Variants in SPOCK2 observed in about 807,000 individuals in gnomAD.
SPOCK2 encodes testican-2.
In SPOCK2, 39 loss-of-function variants were observed where a neutral mutation model predicts 60.1. The observed-to-expected ratio is 0.65, with a 90% CI of 0.50 to 0.85. The LOEUF (loss-of-function observed/expected upper bound fraction) is 0.85. Among genes scored for constraint, SPOCK2 ranks in the 40% least tolerant of loss-of-function variants. The probability of loss-of-function intolerance (pLI) is 0.00; values close to 1 mark genes in which losing one functional copy is unlikely to be tolerated. For missense variants in SPOCK2, 523 were observed against 567.4 expected (o/e 0.92, Z 0.80); for synonymous variants, 217 against 231.5 (o/e 0.94, Z 0.57).
Position 72,062,717 on chromosome 10 carries a change from C to G in SPOCK2, c.*43G>C, listed in dbSNP as rs372203724. ...CGAAGTTGCCTGCTGCTGCTCAGAG[C>G]TCTGCTGTTGAGTCCCCCCCGGCAG... is the stretch of plus-strand genomic sequence containing the variant. On this transcript the variant is annotated 3_prime_UTR_variant, in exon 11 of 11. Coordinates refer to ENST00000373109, the MANE Select transcript of SPOCK2 (RefSeq NM_001244950.2). The surrounding 1 kb of genome is among the most constrained non-coding windows in gnomAD (Gnocchi z 4.3). 6.4e-6 allele frequency: 10 copies of G among 1,573,832 alleles called. No homozygotes were observed. The highest frequency in any genetic ancestry group is 1.9e-5 in the Admixed American group (1 of 51,938).
At chr10:72,088,099 C>T (rs747054239) in intron 1 of SPOCK2, 41 bp downstream of exon 1, 9 of 1,602,768 alleles carry the variant, frequency 5.6e-6, no homozygotes, top group African/African-American at 2.7e-5. Flanking sequence ...TCCCCGAACC[C>T]GCAACCCCGG....
intron 9 of SPOCK2, 141 bp downstream of exon 9, chr10:72,064,037 A>C (rs1298321325): frequency 1.0e-5 from 11 of 1,056,946 alleles, no homozygotes; most frequent in Non-Finnish European, 1.3e-5. Context: ...GAAGGGGGCA[A>C]CCCTCTTCTG....
chr10:72,071,687 C>T (rs1405542969), intron 4 of SPOCK2, among the ~76,000 whole-genome samples: 1 of 152,176 alleles, frequency 6.6e-6, no homozygotes, highest in African/African-American at 2.4e-5. Flanking sequence ...CCCTGCATCC[C>T]ACAGGGTTTG....
chr10:72,068,420 T>A, intron 5 of SPOCK2, 119 bp from the exon 6 acceptor site: 2 of 1,052,356 alleles, frequency 1.9e-6, no homozygotes, highest in Middle Eastern at 5.6e-4. Context: ...GGAGTGCCCA[T>A]GAACAGCCTG....
At chr10:72,064,721 T>A (rs1179205297) in intron 8 of SPOCK2, among the ~76,000 whole-genome samples, 4 of 152,184 alleles carry the variant, frequency 2.6e-5, no homozygotes, top group Non-Finnish European at 2.9e-5. Flanking sequence ...TATGTTTATT[T>A]TTTTATTTTT....
intron 2 of SPOCK2, 48 bp downstream of exon 2, chr10:72,072,854 G>C (rs1490072072): frequency 1.3e-6 from 2 of 1,552,010 alleles, no homozygotes; most frequent in Admixed American, 3.9e-5. Flanking sequence ...AGGGGAGGGG[G>C]TGTGCTCTGC....
At chr10:72,066,188 T>C (rs1384745251) in intron 8 of SPOCK2, among the ~76,000 whole-genome samples, 1 of 152,132 alleles carries the variant, frequency 6.6e-6, no homozygotes, top group Admixed American at 6.5e-5. Context: ...TAATCACTTA[T>C]TGGTGGCACA....
intron 1 of SPOCK2, chr10:72,086,367 A>T (rs185793099): frequency 2.4e-4 from 241 of 1,000,248 alleles, no homozygotes; most frequent in Non-Finnish European, 2.7e-4. Flanking sequence ...TGGCTATTGG[A>T]AGCAGGTGGA....
At position 72,087,999 on chromosome 10, in the gene SPOCK2, A is replaced by T; in HGVS notation, c.189+141T>A. Reference sequence around the variant, plus strand: ...GGGGCGCTGGGCTGTGACCCCCAGTACTGTTTACTTTCCGTGTAATTAGCC... The same window carrying T: ...GGGGCGCTGGGCTGTGACCCCCAGTTCTGTTTACTTTCCGTGTAATTAGCC... On this transcript the variant is annotated intron_variant, in intron 1 of 10. Transcript: ENST00000373109. The surrounding 1 kb of genome is among the most constrained non-coding windows in gnomAD (Gnocchi z 4.7). 9.3e-7 allele frequency: 1 copy of T among 1,080,352 alleles called. No individual in the cohort carries two copies. Among genetic ancestry groups the T allele is most frequent in the Non-Finnish European group, 1.3e-6 (1 of 749,338 alleles). 66.9% of individuals were successfully genotyped at this position (1,080,352 alleles called of 1,614,324 possible).
chr10:72,086,635 G>A, intron 1 of SPOCK2: 1 of 1,216,706 alleles, frequency 8.2e-7, no homozygotes, highest in African/African-American at 1.6e-5. Context: ...GCTTCGGGAA[G>A]GCCTCGCGGG....
rs112777957 is a variant in SPOCK2 at position 72,086,507 on chromosome 10, G to A, written c.189+1633C>T. ...GCCAGCGAGTCGGAGGGAGGCCTAGGCCAGTGACACATGGATTCCGGATGG... is the reference window on the plus strand; with the variant it reads ...GCCAGCGAGTCGGAGGGAGGCCTAGACCAGTGACACATGGATTCCGGATGG... On this transcript the variant is annotated intron_variant, in intron 1 of 10. Coordinates refer to ENST00000373109, the MANE Select transcript of SPOCK2 (RefSeq NM_001244950.2). The A allele has an allele frequency of 1.6e-3, 1,790 of 1,110,084 alleles. 22 individuals carry two copies. In the African/African-American group the frequency reaches 0.028, roughly 17 times the overall value. The allele number at this position is 1,110,084 out of a possible 1,614,324, so 68.8% of individuals were successfully genotyped here.
At chr10:72,074,410 C>A (rs917599369) in intron 1 of SPOCK2, among the ~76,000 whole-genome samples, 1 of 151,582 alleles carries the variant, frequency 6.6e-6, no homozygotes, top group Non-Finnish European at 1.5e-5. Flanking sequence ...TTATGCAGAC[C>A]CAGGTGCACC....
intron 1 of SPOCK2, among the ~76,000 whole-genome samples, chr10:72,078,254 A>G (rs762041424): frequency 4.6e-5 from 7 of 152,124 alleles, no homozygotes; most frequent in Non-Finnish European, 8.8e-5. Context: ...GGTGGCTCAC[A>G]CCTGTAATCC....
At chr10:72,084,133 A>G (rs1840824201) in intron 1 of SPOCK2, among the ~76,000 whole-genome samples, 1 of 152,158 alleles carries the variant, frequency 6.6e-6, no homozygotes, top group African/African-American at 2.4e-5. Flanking sequence ...GCAGTGAATG[A>G]GTGACAGTGA....
Position 72,067,578 on chromosome 10 carries a change from C to T in SPOCK2, c.709+35G>A, listed in dbSNP as rs770925681. 11 of 1,609,220 alleles carry T rather than the reference C, an allele frequency of 6.8e-6. No homozygotes were observed. In the Admixed American group the frequency reaches 1.3e-4, roughly 20 times the overall value. On this transcript the variant is annotated intron_variant, in intron 7 of 10. Coordinates refer to ENST00000373109, the MANE Select transcript of SPOCK2 (RefSeq NM_001244950.2). Reference sequence around the variant, plus strand: ...GTGTCCTCAGCCCCTTCCCTATTTCCCTCCCTCCTCCAGGCAGAGCAGCAA... The same window carrying T: ...GTGTCCTCAGCCCCTTCCCTATTTCTCTCCCTCCTCCAGGCAGAGCAGCAA...
chr10:72,062,881 T>A lies in SPOCK2; in HGVS notation c.1154A>T (p.Asp385Val), dbSNP rs757042885. 5 of 1,598,600 alleles carry A rather than the reference T, an allele frequency of 3.1e-6. No individual in the cohort carries two copies. Among genetic ancestry groups the A allele is most frequent in the Non-Finnish European group, 4.3e-6 (5 of 1,174,810 alleles). Reference sequence around the variant, plus strand: ...CTCCCAGCCGACACCGCTTCCAAAGTCCCCCGAGAAGCCCACGATGTCATC... The same window carrying A: ...CTCCCAGCCGACACCGCTTCCAAAGACCCCCGAGAAGCCCACGATGTCATC... ...DCDDIVGFSG[D>V]FGSGVGWEDE... Residue 385 changes from aspartate to valine, a missense_variant, in exon 11 of 11, where the codon GAC becomes GTC. Asp to Val is a radical substitution (Grantham distance 152). Coordinates refer to ENST00000373109, the MANE Select transcript of SPOCK2 (RefSeq NM_001244950.2). The surrounding 1 kb of genome is among the most constrained non-coding windows in gnomAD (Gnocchi z 4.3).
intron 1 of SPOCK2, among the ~76,000 whole-genome samples, chr10:72,085,184 G>A (rs929742663): frequency 6.6e-6 from 1 of 152,184 alleles, no homozygotes; most frequent in Non-Finnish European, 1.5e-5. Flanking sequence ...TAGGAGCATC[G>A]AAGAGCAGGG....
At position 72,064,029 on chromosome 10, in the gene SPOCK2, A is replaced by AG. The variant is rs796081609; in HGVS notation, c.991+148dup. 8.2e-6 allele frequency: 8 copies of AG among 971,234 alleles called. No individual in the cohort carries two copies. The African/African-American group carries it at 1.4e-4, about 16-fold the overall frequency. The allele number at this position is 971,234 out of a possible 1,614,324, so 60.2% of individuals were successfully genotyped here. On this transcript the variant is annotated intron_variant, in intron 9 of 10. Coordinates refer to ENST00000373109, the MANE Select transcript of SPOCK2 (RefSeq NM_001244950.2). Reference sequence around the variant, plus strand: ...CCCCACCACAAGGATAGACACAGGAAGGGGGCAACCCTCTTCTGTCTTCCT... The same window carrying AG: ...CCCCACCACAAGGATAGACACAGGAAGGGGGGCAACCCTCTTCTGTCTTCCT...
intron 1 of SPOCK2, among the ~76,000 whole-genome samples, chr10:72,083,203 G>C (rs1323750628): frequency 6.6e-6 from 1 of 152,064 alleles, no homozygotes; most frequent in South Asian, 2.1e-4. Context: ...ACTTTCTCTG[G>C]AGAAAAAAGA....
Sources: allele counts gnomAD v4.1 joint callset (sites outside exome capture counted in the v4.1 genomes callset), GRCh38; gene constraint gnomAD v4.1.1; non-coding constraint Gnocchi (gnomAD v3.1); transcripts MANE v1.5; gene names NCBI Gene and HGNC (gene_info 2026-07-23, HGNC 2026-07-21).